Variants in GARNL3 observed in about 807,000 individuals in gnomAD.
GARNL3 encodes GTPase activating Rap/RanGAP domain like 3.
In GARNL3, 63 loss-of-function variants were observed where a neutral mutation model predicts 125.0. The ratio of observed to expected loss-of-function variants is 0.50; its 90% confidence interval spans 0.41 to 0.62. The LOEUF is 0.62. Ranked by LOEUF, GARNL3 falls within the 20% of genes least tolerant of loss-of-function variation. The pLI is 0.00. For missense variants in GARNL3, 994 were observed against 1,244.0 expected (o/e 0.80, Z 3.02); for synonymous variants, 439 against 457.5 (o/e 0.96, Z 0.52).
intron 22 of GARNL3, among the ~76,000 whole-genome samples, chr9:127,380,222 G>GTA (rs975715875): frequency 6.6e-6 from 1 of 151,440 alleles, no homozygotes; most frequent in African/African-American, 2.4e-5. Flanking sequence ...GTGTGTGTGT[G>GTA]TGTGTGTGTG....
intron 1 of GARNL3, among the ~76,000 whole-genome samples, chr9:127,226,923 G>A (rs1007325937): frequency 1.3e-5 from 2 of 152,216 alleles, no homozygotes; most frequent in African/African-American, 4.8e-5. Context: ...TGGAATGCAT[G>A]GAGCAGCGCT....
chr9:127,290,974 T>A (rs1305130287), intron 1 of GARNL3, among the ~76,000 whole-genome samples, 194 bp from the exon 2 acceptor site: 1 of 152,218 alleles, frequency 6.6e-6, no homozygotes, highest in Non-Finnish European at 1.5e-5. Context: ...TAGGCATTCC[T>A]TACTCTTGGG....
At chr9:127,233,358 G>T (rs771053781) in intron 1 of GARNL3, among the ~76,000 whole-genome samples, 2 of 152,184 alleles carry the variant, frequency 1.3e-5, no homozygotes, top group Non-Finnish European at 2.9e-5. Flanking sequence ...GCCTGGTCAC[G>T]TGCTGAAATC....
At chr9:127,237,306 G>C (rs958839236) in intron 1 of GARNL3, among the ~76,000 whole-genome samples, 6 of 152,204 alleles carry the variant, frequency 3.9e-5, no homozygotes, top group Non-Finnish European at 2.9e-5. Context: ...TCAAGAAGCT[G>C]CTGACTCTAG....
chr9:127,279,710 T>C (rs945008012), intron 1 of GARNL3, among the ~76,000 whole-genome samples: 7 of 152,222 alleles, frequency 4.6e-5, no homozygotes, highest in Non-Finnish European at 1.0e-4. Flanking sequence ...TTCCCTCTTT[T>C]AGTTTTCAGG....
chr9:127,299,892 T>TG (rs1490519905), intron 2 of GARNL3, among the ~76,000 whole-genome samples: 2 of 152,086 alleles, frequency 1.3e-5, no homozygotes, highest in Non-Finnish European at 2.9e-5. Context: ...TTAGTAGAGA[T>TG]GGGGTTTCAC....
chr9:127,345,521 T>A (rs1469329207), intron 16 of GARNL3, 44 bp downstream of exon 16: 2 of 1,237,728 alleles, frequency 1.6e-6, no homozygotes, highest in South Asian at 2.6e-5. Flanking sequence ...ATTCCCCTTT[T>A]CCTTAATGAA....
At chr9:127,330,361 C>T (rs2131557671) in intron 7 of GARNL3, among the ~76,000 whole-genome samples, 1 of 152,314 alleles carries the variant, frequency 6.6e-6, no homozygotes, top group South Asian at 2.1e-4. Context: ...TGGAAACATT[C>T]TAAGAAATTT....
At chr9:127,390,528 CCTGA>C (rs1832766447) in intron 26 of GARNL3, 109 bp from the exon 27 acceptor site, 2 of 904,980 alleles carry the variant, frequency 2.2e-6, no homozygotes. Context: ...CATCTTTCTT[CCTGA>C]CTCTAGCACA....
intron 5 of GARNL3, 45 bp downstream of exon 5, chr9:127,318,172 T>G: frequency 9.0e-7 from 1 of 1,107,642 alleles, no homozygotes; most frequent in Non-Finnish European, 1.4e-6. Context: ...TTTGGAGCCC[T>G]TTATACACTG....
intron 1 of GARNL3, among the ~76,000 whole-genome samples, chr9:127,237,597 G>A (rs2063135435): frequency 6.6e-6 from 1 of 152,186 alleles, no homozygotes; most frequent in African/African-American, 2.4e-5. Context: ...AAATAAATGA[G>A]ACATATTGAT....
intron 24 of GARNL3, among the ~76,000 whole-genome samples, chr9:127,386,757 G>A (rs1832562976): frequency 1.3e-5 from 2 of 152,340 alleles, no homozygotes; most frequent in African/African-American, 2.4e-5. Context: ...CAGCGCCAGC[G>A]CATCACGGGT....
rs199736994 is a variant in GARNL3, at chr9:127,322,406, G to GA, written c.567+1640dup. Among the ~76,000 whole-genome samples, 130 of 137,254 alleles carry GA rather than the reference G, an allele frequency of 9.5e-4. 1 individual carries two copies. The highest frequency in any genetic ancestry group is 7.3e-3 in the East Asian group (35 of 4,782). The allele number at this position is 137,254 out of a possible 152,430, so 90.0% of individuals were successfully genotyped here. On this transcript the variant is annotated intron_variant, in intron 6 of 27. Transcript: ENST00000373387. Reference sequence around the variant, plus strand: ...GTCTGATTTTTCTAGGAGAGGAAAAGAAAAAAAAAAAAGATATAGCAGCAT... The same window carrying GA: ...GTCTGATTTTTCTAGGAGAGGAAAAGAAAAAAAAAAAAAGATATAGCAGCAT...
rs960172169 is a variant in GARNL3 at position 127,359,113 on chromosome 9, C to T, written c.2094+1736C>T. Among the ~76,000 whole-genome samples the T allele has an allele frequency of 1.8e-4, 27 of 152,274 alleles. No individual in the cohort carries two copies. The East Asian group carries it at 4.8e-3, about 27-fold the overall frequency. On this transcript the variant is annotated intron_variant, in intron 21 of 27. Coordinates refer to ENST00000373387, the MANE Select transcript of GARNL3 (RefSeq NM_032293.5). ...CCCACTCCCCCCACCCGCCGCCCCC[C>T]ACTGCCTGGGCATCCCTGGACCAGC...
intron 2 of GARNL3, 134 bp from the exon 3 acceptor site, chr9:127,311,496 TAATGAG>T (rs899800460): frequency 4.9e-6 from 3 of 615,490 alleles, no homozygotes; most frequent in Non-Finnish European, 8.6e-6. Flanking sequence ...GTGTCTTTTC[TAATGAG>T]AACATGCAGC....
chr9:127,296,632 C>T (rs572959727), intron 2 of GARNL3, among the ~76,000 whole-genome samples: 3 of 151,860 alleles, frequency 2.0e-5, no homozygotes, highest in African/African-American at 4.8e-5. Flanking sequence ...CCATTGTATC[C>T]AGCAAATTTT....
rs1457234535 is a variant in GARNL3 at position 127,385,124 on chromosome 9, G to C, written c.2367G>C (p.Gln789His). 6.2e-7 allele frequency: 1 copy of C among 1,606,518 alleles called. No homozygotes were observed. The highest frequency in any genetic ancestry group is 1.7e-4 in the Middle Eastern group (1 of 6,008). ...GNLVHTAVVP[Q>H]LQLVASRSDI... ...TGGTCCACACTGCAGTCGTGCCGCA[G>C]CTGCAGCTGGTGGCCTCCAGGGTGA... Residue 789 changes from glutamine (Q) to histidine (H), a missense_variant, in exon 24 of 28, where the codon CAG becomes CAC. Gln to His is a conservative substitution (Grantham distance 24). Transcript: ENST00000373387. This position sits in a 1 kb window ranked among gnomAD's most constrained non-coding sequence, Gnocchi z 4.1.
chr9:127,292,268 A>G (rs1042692522), intron 2 of GARNL3, among the ~76,000 whole-genome samples: 3 of 152,202 alleles, frequency 2.0e-5, no homozygotes, highest in Non-Finnish European at 4.4e-5. Flanking sequence ...AGGTACCCAC[A>G]TACTTCTTGT....
intron 2 of GARNL3, among the ~76,000 whole-genome samples, chr9:127,252,041 C>A (rs1396272602): frequency 2.0e-5 from 3 of 152,228 alleles, no homozygotes; most frequent in Non-Finnish European, 4.4e-5. Flanking sequence ...AACCCCAAAC[C>A]CTTTTTCCTT....
Sources: allele counts gnomAD v4.1 joint callset (sites outside exome capture counted in the v4.1 genomes callset), GRCh38; gene constraint gnomAD v4.1.1; non-coding constraint Gnocchi (gnomAD v3.1); transcripts MANE v1.5; gene names NCBI Gene and HGNC (gene_info 2026-07-23, HGNC 2026-07-21).